Variants in CDS1 observed in about 807,000 individuals in gnomAD.
CDS1 encodes the protein CDP-diacylglycerol synthase 1.
Under a neutral mutation model 62.1 loss-of-function variants are expected in CDS1, and 41 were observed. The observed-to-expected ratio is 0.66, with a 90% confidence interval of 0.51 to 0.86. The LOEUF (loss-of-function observed/expected upper bound fraction) is 0.86, where lower values mean the gene tolerates loss of function less well. CDS1 is among the 40% of genes least tolerant of loss of function. The pLI is 0.00. For missense variants in CDS1, 470 were observed against 550.1 expected (o/e 0.85, Z 1.46); for synonymous variants, 185 against 192.6 (o/e 0.96, Z 0.32).
rs539862496 is a variant in CDS1 at position 84,613,544 on chromosome 4, A to G, written c.342+4019A>G. On this transcript the variant is annotated intron_variant, in intron 3 of 12. Transcript: ENST00000295887. ...AGAATCACTTGAACCCAAGAGGCAG[A>G]GGTTTCAGTGAGCCGAGATCGCGCC... 2.0e-5 allele frequency among the ~76,000 whole-genome samples: 3 copies of G among 152,292 alleles called. No homozygotes were observed. The East Asian group carries it at 5.8e-4, about 29-fold the overall frequency.
chr4:84,638,969 T>G lies in CDS1; in HGVS notation c.856T>G (p.Ser286Ala), dbSNP rs565535100. ...GGAAGGATTCATTGGTGGTTTCTTTTCCACAGTTGTGTTTGGATTCATTGT... is the reference window on the plus strand; with the variant it reads ...GGAAGGATTCATTGGTGGTTTCTTTGCCACAGTTGTGTTTGGATTCATTGT... ...TWEGFIGGFF[S>A]TVVFGFIAAY... Residue 286 changes from serine (S) to alanine (A), a missense_variant, in exon 9 of 13, where the codon TCC becomes GCC. By Grantham distance (99) the Ser-to-Ala change is moderately conservative. This residue lies in a region of CDS1 where 214 missense variants were observed against 242.4 expected (regional missense o/e 0.88). Coordinates refer to ENST00000295887, the MANE Select transcript of CDS1 (RefSeq NM_001263.4). The G allele has an allele frequency of 6.4e-7, 1 of 1,569,502 alleles. No homozygotes were observed. The highest frequency in any genetic ancestry group is 1.8e-5 in the Admixed American group (1 of 54,106).
intron 6 of CDS1, 78 bp from the exon 7 acceptor site, chr4:84,633,779 G>A: frequency 1.2e-6 from 1 of 813,534 alleles, no homozygotes; most frequent in Non-Finnish European, 1.8e-6. Flanking sequence ...AGAAATTTGG[G>A]TTTCAAATCG....
chr4:84,635,621 G>GCCTGCCTT (rs1560481551), intron 8 of CDS1, among the ~76,000 whole-genome samples: 5 of 84,844 alleles, frequency 5.9e-5, no homozygotes, highest in Admixed American at 1.3e-4. Flanking sequence ...CTGCCTGCCT[G>GCCTGCCTT]CCTGCCTTCC....
intron 5 of CDS1, among the ~76,000 whole-genome samples, chr4:84,624,291 C>CAAACA (rs1723787947): frequency 1.7e-5 from 2 of 119,628 alleles, no homozygotes; most frequent in African/African-American, 5.7e-5. Flanking sequence ...AAAAAACAAA[C>CAAACA]AAAAAAAAAA....
At chr4:84,639,861 GTTT>G (rs985515918) in intron 9 of CDS1, among the ~76,000 whole-genome samples, 3 of 151,958 alleles carry the variant, frequency 2.0e-5, no homozygotes, top group Admixed American at 6.6e-5. Flanking sequence ...TTATTCCAGT[GTTT>G]TTGTGGTAGA....
At chr4:84,637,984 A>G (rs1010720714) in intron 8 of CDS1, among the ~76,000 whole-genome samples, 3 of 152,144 alleles carry the variant, frequency 2.0e-5, no homozygotes, top group Non-Finnish European at 4.4e-5. Context: ...TTGGGGCTTT[A>G]TGAATATCAG....
intron 10 of CDS1, 109 bp downstream of exon 10, chr4:84,641,099 A>G (rs1724369863): frequency 2.8e-6 from 2 of 724,242 alleles, no homozygotes; most frequent in South Asian, 6.7e-5. Flanking sequence ...GTTTTGAGAC[A>G]GAGTTTCCCT....
intron 3 of CDS1, among the ~76,000 whole-genome samples, chr4:84,613,421 C>T (rs564037970): frequency 1.3e-5 from 2 of 152,168 alleles, no homozygotes; most frequent in African/African-American, 4.8e-5. Context: ...CCAGCCTGGC[C>T]AACATGGTGA....
intron 8 of CDS1, 66 bp downstream of exon 8, chr4:84,635,417 C>T: frequency 1.2e-6 from 1 of 808,548 alleles, no homozygotes. Context: ...GAGAACATTT[C>T]CAACAACTGT....
At chr4:84,631,326 G>A (rs987362493) in intron 5 of CDS1, among the ~76,000 whole-genome samples, 6 of 152,044 alleles carry the variant, frequency 3.9e-5, no homozygotes, top group Non-Finnish European at 5.9e-5. Context: ...ATTTTGAAAG[G>A]ATTAAATCAG....
chr4:84,600,780 A>G (rs1220823987), intron 1 of CDS1, among the ~76,000 whole-genome samples: 2 of 152,140 alleles, frequency 1.3e-5, no homozygotes, highest in Non-Finnish European at 2.9e-5. Context: ...TTGCATTTTC[A>G]TAGACATTTT....
At chr4:84,633,999 A>G in intron 7 of CDS1, 60 bp downstream of exon 7, 1 of 941,508 alleles carries the variant, frequency 1.1e-6, no homozygotes, top group South Asian at 1.6e-5. Context: ...TAGTTCTTTA[A>G]CGTTGGATAG....
chr4:84,609,530 G>C lies in CDS1; in HGVS notation c.342+5G>C. The C allele has an allele frequency of 6.5e-7, 1 of 1,536,370 alleles. No homozygotes were observed. Among genetic ancestry groups the C allele is most frequent in the Non-Finnish European group, 9.0e-7 (1 of 1,111,368 alleles). On this transcript the variant is annotated splice_donor_5th_base_variant and intron_variant, in intron 3 of 12. Coordinates refer to ENST00000295887, the MANE Select transcript of CDS1 (RefSeq NM_001263.4). ...TCCTTCATGCTGATGCTTCTTGTAA[G>C]TTTTTGACTTTTCCCTGAGTGTCTC...
At chr4:84,648,449 A>T (rs1724616961) in intron 12 of CDS1, 108 bp from the exon 13 acceptor site, 8 of 998,600 alleles carry the variant, frequency 8.0e-6, no homozygotes, top group African/African-American at 1.6e-5. Flanking sequence ...TTCTGTAAAG[A>T]TTCCTACTCT....
chr4:84,589,737 G>A (rs1560462240), intron 1 of CDS1, among the ~76,000 whole-genome samples: 1 of 152,168 alleles, frequency 6.6e-6, no homozygotes, highest in Non-Finnish European at 1.5e-5. Context: ...ACAGAGCCTT[G>A]GTAGTATTTC....
At chr4:84,587,670 T>C (rs1267924706) in intron 1 of CDS1, among the ~76,000 whole-genome samples, 1 of 152,180 alleles carries the variant, frequency 6.6e-6, no homozygotes, top group Non-Finnish European at 1.5e-5. Context: ...CTCTGCCCTC[T>C]GAAGACTTGC....
chr4:84,643,215 C>A, intron 11 of CDS1, 72 bp downstream of exon 11: 1 of 1,496,330 alleles, frequency 6.7e-7, no homozygotes, highest in South Asian at 1.2e-5. Flanking sequence ...GGAATTTGGT[C>A]CGCTCATGAT....
chr4:84,599,401 CACACATATAT>C (rs1320164178), intron 1 of CDS1, among the ~76,000 whole-genome samples: 18 of 23,966 alleles, frequency 7.5e-4, no homozygotes, highest in East Asian at 4.0e-3. Flanking sequence ...TTGACACACA[CACACATATAT>C]ATATATATAT....
intron 1 of CDS1, among the ~76,000 whole-genome samples, chr4:84,586,542 C>A (rs962079862): frequency 5.3e-5 from 8 of 152,114 alleles, no homozygotes; most frequent in African/African-American, 1.9e-4. Context: ...GGAGGCAGCG[C>A]TCGGTGGTAA....
Sources: allele counts gnomAD v4.1 joint callset (sites outside exome capture counted in the v4.1 genomes callset), GRCh38; gene constraint gnomAD v4.1.1; regional missense constraint gnomAD v4.1.1; transcripts MANE v1.5; gene names NCBI Gene and HGNC (gene_info 2026-07-23, HGNC 2026-07-21).